HPS1: variants seen among roughly 807,000 people sequenced by gnomAD.
HPS1 encodes the protein BLOC-3 complex member HPS1.
HPS1 carries 59 observed loss-of-function variants against 90.6 expected under a neutral mutation model. That is an observed-to-expected ratio of 0.65 (90% CI 0.53 to 0.81). The LOEUF is 0.81. Ranked by LOEUF, HPS1 falls within the 30% of genes least tolerant of loss-of-function variation. HPS1 has a pLI of 0.00. For synonymous variants in HPS1, 388 were observed against 384.4 expected, an observed-to-expected ratio of 1.01 and a Z score of -0.11; for missense variants, 849 against 896.7, an observed-to-expected ratio of 0.95 and a Z score of 0.68.
chr10:98,417,570 C>G lies in HPS1; in HGVS notation c.2097G>C (p.Leu699=), dbSNP rs767972945. The change falls in exon 20 of 20, where the codon CTG becomes CTC. Residue 699 remains leucine, a synonymous_variant. Transcript: ENST00000361490. The surrounding 1 kb of genome is among the most constrained non-coding windows in gnomAD (Gnocchi z 4.2). ...AGACTGCGGCCACCTTGGCCTAGAGCAGGGGGATACGGGAGGCCTCCCAGA... is the reference window on the plus strand; with the variant it reads ...AGACTGCGGCCACCTTGGCCTAGAGGAGGGGGATACGGGAGGCCTCCCAGA... ...RRLWEASRIP[L]L 1.2e-6 allele frequency: 2 copies of G among 1,610,436 alleles called. No individual in the cohort carries two copies. The highest frequency in any genetic ancestry group is 2.2e-5 in the East Asian group (1 of 44,836).
Position 98,435,255 on chromosome 10 carries a change from C to T in HPS1, c.398+17G>A, listed in dbSNP as rs1202328646. 6.2e-7 allele frequency: 1 copy of T among 1,613,928 alleles called. No homozygotes were observed. Among genetic ancestry groups the T allele is most frequent in the South Asian group, 1.1e-5 (1 of 91,064 alleles). On this transcript the variant is annotated intron_variant, in intron 5 of 19. Transcript: ENST00000361490. This position sits in a 1 kb window ranked among gnomAD's most constrained non-coding sequence, Gnocchi z 4.3. ...GTGCTCGGCAAAGGACAGAGGGGACCAGCTTTGAAGACTCACTCCTTTCGG... is the reference window on the plus strand; with the variant it reads ...GTGCTCGGCAAAGGACAGAGGGGACTAGCTTTGAAGACTCACTCCTTTCGG...
In HPS1 at chr10:98,423,609, A is replaced by G; in HGVS notation, c.1592T>C (p.Met531Thr). The G allele has an allele frequency of 6.2e-7, 1 of 1,613,876 alleles. No individual in the cohort carries two copies. Among genetic ancestry groups the G allele is most frequent in the Non-Finnish European group, 8.5e-7 (1 of 1,179,878 alleles). The change falls in exon 16 of 20, where the codon ATG (methionine) becomes ACG (threonine). Residue 531 changes from methionine (M) to threonine (T), a missense_variant. Coordinates refer to ENST00000361490, the MANE Select transcript of HPS1 (RefSeq NM_000195.5). Reference protein sequence around the residue: ...LLVKSRRNITMVSYLEDFPGL... With the variant: ...LLVKSRRNITTVSYLEDFPGL... ...GGCCCCGGCGTCAGGATATGACACCATGGTGATGTTCCTCCTGCTCTTCAC... is the reference window on the plus strand; with the variant it reads ...GGCCCCGGCGTCAGGATATGACACCGTGGTGATGTTCCTCCTGCTCTTCAC...
At chr10:98,426,076 A>G (rs2136158535) in intron 11 of HPS1, 91 bp from the exon 12 acceptor site, 1 of 1,162,144 alleles carries the variant, frequency 8.6e-7, no homozygotes, top group Non-Finnish European at 1.3e-6. Context: ...AGAAATAATC[A>G]TTTTTAGCTC....
At chr10:98,446,211 C>A (rs905223999) in intron 1 of HPS1, among the ~76,000 whole-genome samples, 1 of 151,972 alleles carries the variant, frequency 6.6e-6, no homozygotes, top group Non-Finnish European at 1.5e-5. Flanking sequence ...GCAGCCGAAC[C>A]CTGAGACGGG....
intron 10 of HPS1, 117 bp from the exon 11 acceptor site, chr10:98,427,381 C>T: frequency 8.5e-6 from 7 of 824,138 alleles, no homozygotes; most frequent in Non-Finnish European, 1.4e-5. Flanking sequence ...TGGCTGCCAG[C>T]TCCACGCAGG....
intron 18 of HPS1, among the ~76,000 whole-genome samples, chr10:98,419,719 C>T (rs748763772): frequency 1.1e-4 from 16 of 152,186 alleles, no homozygotes; most frequent in East Asian, 1.9e-4. Context: ...GTGACGCTGG[C>T]GACATGGAAG....
rs151033459 is a variant in HPS1, at chr10:98,434,114, C to T, written c.399-23G>A. Reference sequence around the variant, plus strand: ...AGCCTGGGGGCAGAGCCAGAGAGGGCGGGAGAGATCACAAGAAAGCTGGTC... The same window carrying T: ...AGCCTGGGGGCAGAGCCAGAGAGGGTGGGAGAGATCACAAGAAAGCTGGTC... On this transcript the variant is annotated intron_variant, in intron 5 of 19. Transcript: ENST00000361490. 1,346 of 1,543,964 alleles carry T rather than the reference C, an allele frequency of 8.7e-4. 10 individuals carry two copies. Among genetic ancestry groups the T allele is most frequent in the African/African-American group, 3.9e-3 (284 of 73,058 alleles).
At position 98,424,323 on chromosome 10, in the gene HPS1, A is replaced by T; in HGVS notation, c.1387T>A (p.Ser463Thr). 6.2e-7 allele frequency: 1 copy of T among 1,612,568 alleles called. No individual in the cohort carries two copies. ...AGGCCCACCACTCACTCCCAGGAGG[A>T]TCCGGGCTCACTTTTGGAGAAAGCC... ...AKAFSKSEPG[S>T]SWELLQACGK... The change falls in exon 14 of 20, where the codon TCC becomes ACC. Residue 463 changes from serine (S) to threonine (T), a missense_variant. Coordinates refer to ENST00000361490, the MANE Select transcript of HPS1 (RefSeq NM_000195.5).
chr10:98,427,094 G>C, intron 11 of HPS1, 121 bp downstream of exon 11: 1 of 783,966 alleles, frequency 1.3e-6, no homozygotes, highest in Non-Finnish European at 2.1e-6. Context: ...CAGCCCTGGG[G>C]TGGGCAGGAG....
intron 3 of HPS1, among the ~76,000 whole-genome samples, chr10:98,437,081 T>G (rs979351153): frequency 2.0e-5 from 3 of 152,130 alleles, no homozygotes; most frequent in Non-Finnish European, 4.4e-5. Context: ...CATACCCCAT[T>G]TAACTTCTCC....
chr10:98,423,584 G>T lies in HPS1; in HGVS notation c.1598+19C>A, dbSNP rs781337001. Reference sequence around the variant, plus strand: ...CCAAGAGGCTTGTTGGGCTGGCTGGGGCCCCGGCGTCAGGATATGACACCA... The same window carrying T: ...CCAAGAGGCTTGTTGGGCTGGCTGGTGCCCCGGCGTCAGGATATGACACCA... On this transcript the variant is annotated intron_variant, in intron 16 of 19. Coordinates refer to ENST00000361490, the MANE Select transcript of HPS1 (RefSeq NM_000195.5). 31 of 1,613,270 alleles carry T rather than the reference G, an allele frequency of 1.9e-5. No individual in the cohort carries two copies. The highest frequency in any genetic ancestry group is 2.5e-5 in the Non-Finnish European group (29 of 1,179,530).
At chr10:98,439,580 C>T (rs1938039363) in intron 3 of HPS1, among the ~76,000 whole-genome samples, 1 of 152,170 alleles carries the variant, frequency 6.6e-6, no homozygotes, top group Admixed American at 6.5e-5. Context: ...ATGCCTATAC[C>T]CCCATTGTGT....
Position 98,425,553 on chromosome 10 carries a change from T to A in HPS1, c.1323A>T (p.Ala441=). 1 of 1,611,262 alleles carries A rather than the reference T, an allele frequency of 6.2e-7. No individual in the cohort carries two copies. Residue 441 remains alanine (A), a synonymous_variant, in exon 13 of 20, where the codon GCA becomes GCT. Coordinates refer to ENST00000361490, the MANE Select transcript of HPS1 (RefSeq NM_000195.5). The part of the protein sequence containing the change: ...RMDKFVKNRG[A]QEIQSTWLEF... ...ACTTGGGTCTCACCTGAATCTCCTGTGCCCCTCGATTCTTGACAAACTTGT... is the reference window on the plus strand; with the variant it reads ...ACTTGGGTCTCACCTGAATCTCCTGAGCCCCTCGATTCTTGACAAACTTGT...
At chr10:98,427,356 C>G in intron 10 of HPS1, 92 bp from the exon 11 acceptor site, 1 of 1,096,556 alleles carries the variant, frequency 9.1e-7, no homozygotes, top group Non-Finnish European at 1.4e-6. Context: ...AGGTGCCCCC[C>G]ACAACCTCAG....
Position 98,435,314 on chromosome 10 carries a change from TG to T in HPS1, c.355del (p.His119ThrfsTer5), listed in dbSNP as rs281865075. 22 of 1,613,570 alleles carry T rather than the reference TG, an allele frequency of 1.4e-5. No individual in the cohort carries two copies. The highest frequency in any genetic ancestry group is 1.9e-5 in the Non-Finnish European group (22 of 1,179,978). On this transcript the variant is annotated frameshift_variant, in exon 5 of 20. Transcript: ENST00000361490. LOFTEE classifies it high-confidence loss of function. The surrounding 1 kb of genome is among the most constrained non-coding windows in gnomAD (Gnocchi z 4.3). ...ACCGTCCACAGTCACCAGCCCAAAG[TG>T]CACTTCAAACAGGTACTTGAGCACA... is the stretch of plus-strand genomic sequence containing the variant. ...LYVLKYLFEV[H>X]FGLVTVDGHL...
chr10:98,434,507 C>T (rs1847008254), intron 5 of HPS1, among the ~76,000 whole-genome samples: 1 of 150,942 alleles, frequency 6.6e-6, no homozygotes, highest in Admixed American at 6.6e-5. Flanking sequence ...ATGTAACAGG[C>T]ATCTGCCACC....
At chr10:98,430,508 C>G in intron 8 of HPS1, 63 bp downstream of exon 8, 2 of 1,295,352 alleles carry the variant, frequency 1.5e-6, no homozygotes, top group South Asian at 2.5e-5. Context: ...CCACCATCTT[C>G]AGGCAGGTTT....
rs200997927 is a variant in HPS1 at position 98,420,632 on chromosome 10, CT to C, written c.1744-475del. On this transcript the variant is annotated intron_variant, in intron 17 of 19. Transcript: ENST00000361490. ...TTGGGGGGCTGAGATGAGAGGATCGCTTGAGCCCAGGAGGTCGAGGCTGCAG... is the reference window on the plus strand; with the variant it reads ...TTGGGGGGCTGAGATGAGAGGATCGCTGAGCCCAGGAGGTCGAGGCTGCAG... Among the ~76,000 whole-genome samples the C allele has an allele frequency of 5.9e-3, 900 of 152,286 alleles. 7 individuals are homozygous for C. Among genetic ancestry groups the C allele is most frequent in the African/African-American group, 0.02 (833 of 41,554 alleles).
chr10:98,429,545 T>G, intron 10 of HPS1, 28 bp downstream of exon 10: 1 of 1,614,168 alleles, frequency 6.2e-7, no homozygotes, highest in Non-Finnish European at 8.5e-7. Flanking sequence ...CTAGCTATTG[T>G]TTCCTCCTGC....
Sources: gnomAD v4.1 joint callset for allele counts (sites outside exome capture counted in the v4.1 genomes callset) on GRCh38, gnomAD v4.1.1 for gene constraint, Gnocchi (gnomAD v3.1) non-coding constraint, MANE v1.5 for transcripts, NCBI Gene and HGNC (gene_info 2026-07-23, HGNC 2026-07-21) for gene names.